Variants in ARL16 observed in about 807,000 individuals in gnomAD.
ARL16 encodes ARF like GTPase 16.
In ARL16, 21 loss-of-function variants were observed where a neutral mutation model predicts 14.1. The ratio of observed to expected loss-of-function variants is 1.48; its 90% CI spans 1.05 to 2.14. The LOEUF (loss-of-function observed/expected upper bound fraction) is 2.14. Among genes scored for constraint, ARL16 ranks in the 30% most tolerant of loss-of-function variants. The pLI is 0.00. For synonymous variants in ARL16, 122 were observed against 91.8 expected (o/e 1.33, Z -1.88); for missense variants, 248 against 222.0 (o/e 1.12, Z -0.74).
rs1484440279 is a variant in ARL16 at position 81,683,582 on chromosome 17, C to T, written c.74G>A (p.Arg25Gln). 2 of 1,603,296 alleles carry T rather than the reference C, an allele frequency of 1.2e-6. No individual in the cohort carries two copies. The highest frequency in any genetic ancestry group is 8.5e-7 in the Non-Finnish European group (1 of 1,176,378). Residue 25 changes from arginine (R) to glutamine (Q), a missense_variant, in exon 2 of 5, where the codon CGG becomes CAG. Transcript: ENST00000622299. ...LVKRLQEVSS[R>Q]DGKGDLGEPP... The stretch of plus-strand genomic sequence containing the variant: ...CTCCCCCAGGTCGCCTTTCCCATCC[C>T]GGGAGCTCACCTGTGCGAAGCGGTC...
intron 1 of ARL16, 26 bp downstream of exon 1, chr17:81,683,667 G>C (rs748998326): frequency 1.3e-6 from 2 of 1,593,460 alleles, no homozygotes; most frequent in South Asian, 1.1e-5. Flanking sequence ...CCCGCGCCCC[G>C]GTCCCGTCCC....
In ARL16 at chr17:81,682,056, C is replaced by T. The variant is rs764521858; in HGVS notation, c.328G>A (p.Val110Met). 1 of 1,612,482 alleles carries T rather than the reference C, an allele frequency of 6.2e-7. No individual in the cohort carries two copies. The highest frequency in any genetic ancestry group is 8.5e-7 in the Non-Finnish European group (1 of 1,179,406). The part of the protein sequence containing the change: ...LSAEQLAEAS[V>M]LILFNKIDLP... ...TACATTTTATTGAAGAGTATCAGCA[C>T]CGATGCTTCTGCAAGTTGTTCTGCA... Residue 110 changes from valine to methionine, a missense_variant, in exon 4 of 5, where the codon GTG (valine) becomes ATG (methionine). Physicochemically the swap from Val to Met is conservative, Grantham distance 21. Transcript: ENST00000622299.
At chr17:81,683,391 C>T (rs1488040873) in intron 2 of ARL16, 145 bp downstream of exon 2, 2 of 1,158,670 alleles carry the variant, frequency 1.7e-6, no homozygotes, top group East Asian at 2.6e-5. Flanking sequence ...TTATCCTCAG[C>T]TCGGGCCGTC....
chr17:81,683,658 C>G (rs779483077), intron 1 of ARL16, 35 bp downstream of exon 1: 10 of 1,589,868 alleles, frequency 6.3e-6, no homozygotes, highest in Non-Finnish European at 7.7e-6. Flanking sequence ...CGGGTGCCCC[C>G]CGCGCCCCGG....
In ARL16 at chr17:81,683,142, C is replaced by A. The variant is rs1452503232; in HGVS notation, c.121-16G>T. On this transcript the variant is annotated splice_polypyrimidine_tract_variant and intron_variant, in intron 2 of 4. Transcript: ENST00000622299. ...TGGTGCCCACCTATAGGAAAAACCA[C>A]GATGCAAAAAGAACAATACAACCGC... is the stretch of plus-strand genomic sequence containing the variant. The A allele has an allele frequency of 1.3e-6, 2 of 1,596,606 alleles. No homozygotes were observed. The highest frequency in any genetic ancestry group is 1.8e-5 in the Admixed American group (1 of 56,532).
intron 3 of ARL16, 43 bp downstream of exon 3, chr17:81,682,970 G>A: frequency 6.5e-7 from 1 of 1,545,600 alleles, no homozygotes; most frequent in Non-Finnish European, 8.9e-7. Flanking sequence ...CAGAAATGTA[G>A]ACACACTTCC....
chr17:81,682,028 G>A lies in ARL16; in HGVS notation c.350+6C>T. 3 of 1,603,688 alleles carry A rather than the reference G, an allele frequency of 1.9e-6. No individual in the cohort carries two copies. The highest frequency in any genetic ancestry group is 2.7e-5 in the African/African-American group (2 of 74,668). On this transcript the variant is annotated splice_donor_region_variant and intron_variant, in intron 4 of 4. Transcript: ENST00000622299. ...CTGTGCTCCCTCTCAGCTCAGGGAC[G>A]CGTACATTTTATTGAAGAGTATCAG...
Position 81,683,046 on chromosome 17 carries a change from C to A in ARL16, c.201G>T (p.Trp67Cys), listed in dbSNP as rs772265694. 2.7e-5 allele frequency: 44 copies of A among 1,613,590 alleles called. No homozygotes were observed. The South Asian group carries it at 4.4e-4, about 16-fold the overall frequency. The part of the protein sequence containing the change: ...RELGGCMGPI[W>C]SSYYGNCRSL... ...AACGGCAGTTTCCATAGTAACTGGA[C>A]CAGATGGGGCCCATGCACCCCCCAA... is the stretch of plus-strand genomic sequence containing the variant. Residue 67 changes from tryptophan (W) to cysteine (C), a missense_variant, in exon 3 of 5, where the codon TGG becomes TGT. Trp to Cys is a radical substitution (Grantham distance 215). Coordinates refer to ENST00000622299, the MANE Select transcript of ARL16 (RefSeq NM_001040025.3).
At chr17:81,681,991 C>T in intron 4 of ARL16, 43 bp downstream of exon 4, 2 of 1,569,476 alleles carry the variant, frequency 1.3e-6, no homozygotes, top group Non-Finnish European at 8.7e-7. Context: ...CCCGAGGGAG[C>T]CCCCGCCCCC....
In ARL16 at chr17:81,683,046, C is replaced by T. The variant is rs772265694; in HGVS notation, c.201G>A (p.Trp67Ter). The T allele has an allele frequency of 3.1e-6, 5 of 1,613,590 alleles. No homozygotes were observed. The highest frequency in any genetic ancestry group is 1.1e-5 in the South Asian group (1 of 91,086). ...AACGGCAGTTTCCATAGTAACTGGA[C>T]CAGATGGGGCCCATGCACCCCCCAA... Reference protein sequence around the residue: ...RELGGCMGPIWSSYYGNCRSL... With the variant: ...RELGGCMGPI Residue 67 changes from tryptophan to a stop codon, truncating the protein, a stop_gained, in exon 3 of 5, where the codon TGG (tryptophan) becomes TGA (stop). Transcript: ENST00000622299. LOFTEE classifies it high-confidence loss of function.
chr17:81,681,201 T>C lies in ARL16; in HGVS notation c.*507A>G, dbSNP rs1598738151. The C allele has an allele frequency of 6.5e-6, 1 of 153,480 alleles. No individual in the cohort carries two copies. The highest frequency in any genetic ancestry group is 2.4e-5 in the African/African-American group (1 of 41,468). The allele number at this position is 153,480 out of a possible 1,614,324, so 9.5% of individuals were successfully genotyped here. A position where few individuals can be genotyped will look rare whatever the true frequency, so the allele number is the denominator to read the frequency against. ...CAGTCTGGGGACAGGTTTTTATTTT[T>C]TTATTTCTTATATTTTTTAAGACGG... On this transcript the variant is annotated 3_prime_UTR_variant, in exon 5 of 5. Transcript: ENST00000622299.
Position 81,683,520 on chromosome 17 carries a change from G to C in ARL16, c.120+16C>G, listed in dbSNP as rs375499175. On this transcript the variant is annotated intron_variant, in intron 2 of 4. Coordinates refer to ENST00000622299, the MANE Select transcript of ARL16 (RefSeq NM_001040025.3). ...ACTGACCCCCCGCAACTCCACCCGC[G>C]GGGGCGGACACCTACCGTGGGCCGT... 9.6e-6 allele frequency: 15 copies of C among 1,558,872 alleles called. No individual in the cohort carries two copies. The highest frequency in any genetic ancestry group is 1.3e-5 in the Non-Finnish European group (15 of 1,157,566).
intron 2 of ARL16, 23 bp downstream of exon 2, chr17:81,683,513 C>T (rs371826423): frequency 1.2e-4 from 183 of 1,547,378 alleles, no homozygotes; most frequent in African/African-American, 9.6e-4. Flanking sequence ...CCCGCAACTC[C>T]ACCCGCGGGG....
intron 2 of ARL16, 131 bp from the exon 3 acceptor site, chr17:81,683,257 G>T: frequency 1.1e-6 from 1 of 936,244 alleles, no homozygotes. Context: ...ACGCAGGAAC[G>T]GCGAGCAGGG....
At chr17:81,683,631 G>A (rs1224474409) in intron 1 of ARL16, 37 bp from the exon 2 acceptor site, 5 of 1,593,574 alleles carry the variant, frequency 3.1e-6, no homozygotes, top group Admixed American at 1.8e-5. Context: ...GCTAAAGGGT[G>A]AGTCCCCGCC....
intron 3 of ARL16, 89 bp downstream of exon 3, chr17:81,682,924 C>T: frequency 8.2e-7 from 1 of 1,217,228 alleles, no homozygotes; most frequent in Non-Finnish European, 1.2e-6. Flanking sequence ...ACCCAAACCC[C>T]TTTCTACACA....
At chr17:81,682,708 T>TA (rs2036874078) in intron 3 of ARL16, 1 of 402,748 alleles carries the variant, frequency 2.5e-6, no homozygotes, top group Admixed American at 4.3e-5. Flanking sequence ...GAGGTACGTA[T>TA]AAGTCCAACA....
chr17:81,681,511 CTT>C lies in ARL16; in HGVS notation c.*195_*196del. 1 of 689,430 alleles carries C rather than the reference CTT, an allele frequency of 1.5e-6. No individual in the cohort carries two copies. The highest frequency in any genetic ancestry group is 3.1e-5 in the East Asian group (1 of 32,054). 42.7% of individuals were successfully genotyped at this position (689,430 alleles called of 1,614,324 possible). Reference sequence around the variant, plus strand: ...CCACCATGCCTAGCCCCTGGGGACACTTTTTTCAGAGGCCAGATGTCAACTTC... The same window carrying C: ...CCACCATGCCTAGCCCCTGGGGACACTTTTCAGAGGCCAGATGTCAACTTC... On this transcript the variant is annotated 3_prime_UTR_variant, in exon 5 of 5. Coordinates refer to ENST00000622299, the MANE Select transcript of ARL16 (RefSeq NM_001040025.3).
chr17:81,681,898 C>T lies in ARL16; in HGVS notation c.351-19G>A. 6.2e-7 allele frequency: 1 copy of T among 1,606,956 alleles called. No individual in the cohort carries two copies. The highest frequency in any genetic ancestry group is 8.5e-7 in the Non-Finnish European group (1 of 1,176,580). Reference sequence around the variant, plus strand: ...TAGGTCGCTGGAGAGAAAGAGGTGCCCCATCAGAGCAGTGGCAGCCACACA... The same window carrying T: ...TAGGTCGCTGGAGAGAAAGAGGTGCTCCATCAGAGCAGTGGCAGCCACACA... On this transcript the variant is annotated intron_variant, in intron 4 of 4. Coordinates refer to ENST00000622299, the MANE Select transcript of ARL16 (RefSeq NM_001040025.3).
Sources: allele counts gnomAD v4.1 joint callset, GRCh38; gene constraint gnomAD v4.1.1; transcripts MANE v1.5; gene names NCBI Gene and HGNC (gene_info 2026-07-23, HGNC 2026-07-21).